Variants in MCOLN2 observed in about 807,000 individuals in gnomAD.
MCOLN2 encodes the protein mucolipin-2.
Under a neutral mutation model 67.5 loss-of-function variants are expected in MCOLN2, and 57 were observed. The ratio of observed to expected loss-of-function variants is 0.84; its 90% CI spans 0.68 to 1.05. The LOEUF is 1.05. Ranked by LOEUF, MCOLN2 falls within the 50% of genes least tolerant of loss-of-function variation. The pLI is 0.00. For missense variants in MCOLN2, 620 were observed against 678.8 expected (o/e 0.91, Z 0.96); for synonymous variants, 246 against 233.3 (o/e 1.05, Z -0.50).
chr1:84,966,109 G>C (rs1184690431), intron 1 of MCOLN2, among the ~76,000 whole-genome samples: 1 of 151,898 alleles, frequency 6.6e-6, no homozygotes, highest in African/African-American at 2.4e-5. Context: ...AAAATTAGCT[G>C]GGTATGGTGG....
In MCOLN2 at chr1:84,946,123, C is replaced by T. The variant is rs141693677; in HGVS notation, c.847+910G>A. 5.3e-3 allele frequency among the ~76,000 whole-genome samples: 803 copies of T among 152,242 alleles called. 3 individuals are homozygous for T. The highest frequency in any genetic ancestry group is 7.9e-3 in the Non-Finnish European group (535 of 68,008). ...TGAGTAAATGACTCAGCATTTGCAG[C>T]GGTTGCTGTCTGGGCTCTGAAGGCC... On this transcript the variant is annotated intron_variant, in intron 7 of 13. Transcript: ENST00000370608.
chr1:84,996,435 T>G (rs1651158006), intron 1 of MCOLN2, among the ~76,000 whole-genome samples: 1 of 141,516 alleles, frequency 7.1e-6, no homozygotes. Context: ...TATATATGTT[T>G]GGAGAGCAGG....
chr1:84,943,325 A>C (rs1647899380), intron 7 of MCOLN2, among the ~76,000 whole-genome samples: 1 of 152,184 alleles, frequency 6.6e-6, no homozygotes, highest in South Asian at 2.1e-4. Context: ...CTGGATATTC[A>C]TGACAAGAGA....
intron 1 of MCOLN2, among the ~76,000 whole-genome samples, chr1:84,987,460 ATG>A (rs555394734): frequency 8.8e-6 from 1 of 114,012 alleles, no homozygotes; most frequent in Non-Finnish European, 1.8e-5. Flanking sequence ...ATATACATAT[ATG>A]TATATATAGA....
At position 84,996,811 on chromosome 1, in the gene MCOLN2, A is replaced by C. The variant is rs199880726; in HGVS notation, c.62T>G (p.Phe21Cys). 6.2e-7 allele frequency: 1 copy of C among 1,614,066 alleles called. No homozygotes were observed. The highest frequency in any genetic ancestry group is 1.7e-5 in the Admixed American group (1 of 60,028). The part of the protein sequence containing the change: ...ARIPERGSGV[F>C]RLTVRNAMAH... ...GACTCCTCACCTGACGGTTAACCTG[A>C]AAACACCTGATCCTCTCTCCGGAAT... The change falls in exon 1 of 14, where the codon TTC becomes TGC. Residue 21 changes from phenylalanine to cysteine, a missense_variant. Coordinates refer to ENST00000370608, the MANE Select transcript of MCOLN2 (RefSeq NM_153259.4).
rs377180299 is a variant in MCOLN2, at chr1:84,944,312, A to C, written c.847+2721T>G. On this transcript the variant is annotated intron_variant, in intron 7 of 13. Coordinates refer to ENST00000370608, the MANE Select transcript of MCOLN2 (RefSeq NM_153259.4). Reference sequence around the variant, plus strand: ...CACTTTGGGAGGCCGAGGCGGGCAGATCATGAGGTCAGGAGTTCAAGACCA... The same window carrying C: ...CACTTTGGGAGGCCGAGGCGGGCAGCTCATGAGGTCAGGAGTTCAAGACCA... Among the ~76,000 whole-genome samples the C allele has an allele frequency of 2.9e-4, 44 of 152,304 alleles. 2 individuals carry two copies. The highest frequency in any genetic ancestry group is 1.0e-3 in the African/African-American group (43 of 41,576).
Position 84,968,378 on chromosome 1 carries a change from G to C in MCOLN2, c.78-2670C>G, listed in dbSNP as rs1461654876. 2.0e-5 allele frequency among the ~76,000 whole-genome samples: 3 copies of C among 152,178 alleles called. No individual in the cohort carries two copies. The East Asian group carries it at 5.8e-4, about 29-fold the overall frequency. ...CTTCATATCCCCGGAAACACCCACA[G>C]AACTCTGTGTCTTAGGTTCATCCTA... On this transcript the variant is annotated intron_variant, in intron 1 of 13. Transcript: ENST00000370608.
intron 3 of MCOLN2, among the ~76,000 whole-genome samples, chr1:84,956,888 A>C (rs1648824365): frequency 6.6e-6 from 1 of 152,124 alleles, no homozygotes; most frequent in South Asian, 2.1e-4. Flanking sequence ...GCAAAGCTGC[A>C]CTGCCCTCCA....
intron 3 of MCOLN2, among the ~76,000 whole-genome samples, 191 bp from the exon 4 acceptor site, chr1:84,956,775 G>C (rs772396505): frequency 6.6e-6 from 1 of 152,124 alleles, no homozygotes; most frequent in Non-Finnish European, 1.5e-5. Flanking sequence ...CACAGAACTC[G>C]AAACAAAACA....
chr1:84,933,751 A>G (rs1173696974), intron 11 of MCOLN2, among the ~76,000 whole-genome samples: 4 of 152,206 alleles, frequency 2.6e-5, no homozygotes, highest in Non-Finnish European at 5.9e-5. Flanking sequence ...AACTGCAAAT[A>G]GCTAGTTTGT....
intron 13 of MCOLN2, among the ~76,000 whole-genome samples, chr1:84,928,592 T>C (rs1661265936): frequency 6.6e-6 from 1 of 152,234 alleles, no homozygotes; most frequent in Non-Finnish European, 1.5e-5. Flanking sequence ...ACTTTCCTTA[T>C]ACAAGGTACC....
rs527532965 is a variant in MCOLN2, at chr1:84,972,341, T to C, written c.78-6633A>G. On this transcript the variant is annotated intron_variant, in intron 1 of 13. Transcript: ENST00000370608. ...GCTTTTATGAATTATTTATGTTTCATTAACCCATAGGAAATGCATGATCTG... is the reference window on the plus strand; with the variant it reads ...GCTTTTATGAATTATTTATGTTTCACTAACCCATAGGAAATGCATGATCTG... Among the ~76,000 whole-genome samples the C allele has an allele frequency of 2.6e-5, 4 of 152,308 alleles. No homozygotes were observed. The East Asian group carries it at 5.8e-4, about 22-fold the overall frequency.
At chr1:84,930,456 C>T (rs79585999) in intron 12 of MCOLN2, among the ~76,000 whole-genome samples, 2,971 of 152,036 alleles carry the variant, frequency 0.02, 39 homozygotes, top group Non-Finnish European at 0.031. Flanking sequence ...AAGACTCCCT[C>T]CCCTCATGCT....
At chr1:84,961,772 T>C (rs1649098193) in intron 2 of MCOLN2, among the ~76,000 whole-genome samples, 1 of 152,130 alleles carries the variant, frequency 6.6e-6, no homozygotes, top group Admixed American at 6.6e-5. Flanking sequence ...TAATTACTTA[T>C]AAGTGTAGTC....
At chr1:84,987,310 A>T (rs1476229838) in intron 1 of MCOLN2, among the ~76,000 whole-genome samples, 1 of 144,844 alleles carries the variant, frequency 6.9e-6, no homozygotes, top group Non-Finnish European at 1.5e-5. Flanking sequence ...ATACATATAC[A>T]TCTATATGTA....
chr1:84,951,681 A>G (rs866574756), intron 6 of MCOLN2, among the ~76,000 whole-genome samples: 18 of 152,328 alleles, frequency 1.2e-4, no homozygotes, highest in Middle Eastern at 3.4e-3. Flanking sequence ...GTCAAAGCCA[A>G]TTTTTTAAAC....
intron 9 of MCOLN2, among the ~76,000 whole-genome samples, chr1:84,939,243 A>G (rs1647611223): frequency 1.3e-5 from 2 of 152,200 alleles, no homozygotes; most frequent in African/African-American, 2.4e-5. Flanking sequence ...CTTGACATGC[A>G]GGTTCAGGGA....
chr1:84,968,889 C>G (rs974728976), intron 1 of MCOLN2, among the ~76,000 whole-genome samples: 1 of 152,194 alleles, frequency 6.6e-6, no homozygotes, highest in Non-Finnish European at 1.5e-5. Flanking sequence ...ACAGAGAGGC[C>G]AGAAGGATCT....
chr1:84,930,556 T>G (rs1048117963), intron 12 of MCOLN2, among the ~76,000 whole-genome samples: 35 of 151,774 alleles, frequency 2.3e-4, no homozygotes, highest in African/African-American at 8.5e-4. Context: ...GTGGCAGGAG[T>G]GTGCACCTCT....
Sources: gnomAD v4.1 joint callset for allele counts (sites outside exome capture counted in the v4.1 genomes callset) on GRCh38, gnomAD v4.1.1 for gene constraint, MANE v1.5 for transcripts, NCBI Gene and HGNC (gene_info 2026-07-23, HGNC 2026-07-21) for gene names.